SPATS2L: variants seen among roughly 807,000 people sequenced by gnomAD.
SPATS2L encodes the protein spermatogenesis associated serine rich 2 like.
A neutral mutation model predicts 59.6 loss-of-function variants in SPATS2L; 30 were observed. That is an observed-to-expected ratio of 0.50 (90% CI 0.38 to 0.68). SPATS2L has a LOEUF of 0.68. SPATS2L is among the 30% of genes least tolerant of loss of function. SPATS2L has a pLI of 0.00. For synonymous variants in SPATS2L, 252 were observed against 263.5 expected (o/e 0.96, Z 0.42); for missense variants, 615 against 700.0 (o/e 0.88, Z 1.37).
chr2:200,400,762 T>C (rs2082500481), intron 3 of SPATS2L, among the ~76,000 whole-genome samples: 1 of 152,240 alleles, frequency 6.6e-6, no homozygotes, highest in Admixed American at 6.5e-5. Flanking sequence ...AGAAGTTGTA[T>C]TTAACAGAAA....
chr2:200,382,721 G>A (rs575417790), intron 2 of SPATS2L, among the ~76,000 whole-genome samples: 9 of 152,028 alleles, frequency 5.9e-5, no homozygotes, highest in Non-Finnish European at 1.2e-4. Flanking sequence ...CAGTTTCCAC[G>A]TATGTAAAAA....
At chr2:200,312,075 A>G (rs2079209626) in intron 1 of SPATS2L, among the ~76,000 whole-genome samples, 1 of 152,168 alleles carries the variant, frequency 6.6e-6, no homozygotes, top group South Asian at 2.1e-4. Context: ...TGGAACCTAA[A>G]GGATATATAG....
At chr2:200,315,212 A>G (rs546393554) in intron 1 of SPATS2L, among the ~76,000 whole-genome samples, 1 of 152,306 alleles carries the variant, frequency 6.6e-6, no homozygotes, top group African/African-American at 2.4e-5. Flanking sequence ...TTCAGTCCAG[A>G]GGTATGAAAT....
intron 3 of SPATS2L, chr2:200,390,249 AGG>A (rs2082129947): frequency 1.3e-5 from 2 of 152,402 alleles, no homozygotes; most frequent in South Asian, 4.1e-4. Context: ...ACTTAGCAAC[AGG>A]GTAATAGACC....
intron 2 of SPATS2L, among the ~76,000 whole-genome samples, chr2:200,354,398 C>G (rs778516476): frequency 3.6e-4 from 54 of 152,046 alleles, no homozygotes; most frequent in Non-Finnish European, 5.3e-4. Context: ...TGCTTGAGGC[C>G]GAGAGTTTGA....
At chr2:200,345,816 G>C (rs1370706297) in intron 2 of SPATS2L, among the ~76,000 whole-genome samples, 3 of 152,156 alleles carry the variant, frequency 2.0e-5, no homozygotes, top group Admixed American at 6.5e-5. Flanking sequence ...GATTACTCTA[G>C]TTTTTAACTT....
chr2:200,473,360 C>T (rs1041877023), intron 12 of SPATS2L, among the ~76,000 whole-genome samples: 2 of 152,188 alleles, frequency 1.3e-5, no homozygotes, highest in Non-Finnish European at 2.9e-5. Flanking sequence ...TGCCACCATC[C>T]CTGGGGCCCC....
intron 2 of SPATS2L, among the ~76,000 whole-genome samples, chr2:200,340,239 A>G (rs369096709): frequency 5.3e-5 from 8 of 151,688 alleles, no homozygotes; most frequent in Admixed American, 1.3e-4. Flanking sequence ...TCTGCCCTGC[A>G]CTCTTTACTC....
At chr2:200,311,771 A>G (rs1190991335) in intron 1 of SPATS2L, among the ~76,000 whole-genome samples, 1 of 152,214 alleles carries the variant, frequency 6.6e-6, no homozygotes, top group Non-Finnish European at 1.5e-5. Flanking sequence ...CTAGCAGGAA[A>G]AAATAACAGA....
chr2:200,428,054 C>T (rs948671394), intron 6 of SPATS2L, among the ~76,000 whole-genome samples: 9 of 120,124 alleles, frequency 7.5e-5, no homozygotes, highest in East Asian at 2.7e-4. Flanking sequence ...TGGGTGACAG[C>T]GAGACCGTGT....
Position 200,480,036 on chromosome 2 carries a change from C to CT in SPATS2L, c.*2005_*2006insT, listed in dbSNP as rs2087740895. The CT allele has an allele frequency of 3.4e-6, 1 of 294,770 alleles. No homozygotes were observed. Among genetic ancestry groups the CT allele is most frequent in the Non-Finnish European group, 6.2e-6 (1 of 161,104 alleles). The allele number at this position is 294,770 out of a possible 1,614,324, so 18.3% of individuals were successfully genotyped here. The stretch of plus-strand genomic sequence containing the variant: ...TATATTACAAGACGGAAGGATTTTG[C>CT]ACAGTTTTTTATGTAGCAAGATTTT... On this transcript the variant is annotated 3_prime_UTR_variant, in exon 13 of 13. Coordinates refer to ENST00000409140, the MANE Select transcript of SPATS2L (RefSeq NM_001100423.2).
intron 2 of SPATS2L, 116 bp from the exon 3 acceptor site, chr2:200,389,106 TA>T: frequency 1.5e-6 from 1 of 651,740 alleles, no homozygotes; most frequent in Non-Finnish European, 2.6e-6. Flanking sequence ...TTTTACATTC[TA>T]AAATGATATT....
chr2:200,393,655 T>C (rs1176037433), intron 3 of SPATS2L, among the ~76,000 whole-genome samples: 1 of 152,248 alleles, frequency 6.6e-6, no homozygotes, highest in East Asian at 1.9e-4. Flanking sequence ...TGAACGTTTA[T>C]AATTTGACAT....
At chr2:200,469,413 C>T (rs1161909275) in intron 10 of SPATS2L, among the ~76,000 whole-genome samples, 1 of 152,204 alleles carries the variant, frequency 6.6e-6, no homozygotes, top group African/African-American at 2.4e-5. Flanking sequence ...AAAATAATCT[C>T]TTTCTCACTT....
intron 8 of SPATS2L, among the ~76,000 whole-genome samples, chr2:200,443,871 G>A (rs772956021): frequency 1.4e-4 from 22 of 152,070 alleles, no homozygotes; most frequent in Non-Finnish European, 2.5e-4. Context: ...TCTTCCAACC[G>A]GGCTGTGAAG....
rs868487470 is a variant in SPATS2L at position 200,482,101 on chromosome 2, C to G, written c.*4070C>G. On this transcript the variant is annotated 3_prime_UTR_variant, in exon 13 of 13. Coordinates refer to ENST00000409140, the MANE Select transcript of SPATS2L (RefSeq NM_001100423.2). ...CATTTCCTTGAAAGTACTGAGCCAT[C>G]TCAATTGCTCTGATTTTGTGAGAAA... The G allele has an allele frequency of 6.6e-6, 1 of 152,232 alleles. No individual in the cohort carries two copies. Among genetic ancestry groups the G allele is most frequent in the Non-Finnish European group, 1.5e-5 (1 of 68,040 alleles). 9.4% of individuals were successfully genotyped at this position (152,232 alleles called of 1,614,324 possible). A position where few individuals can be genotyped will look rare whatever the true frequency, so the allele number is the denominator to read the frequency against.
At chr2:200,371,691 T>A (rs1270775006) in intron 2 of SPATS2L, among the ~76,000 whole-genome samples, 1 of 152,220 alleles carries the variant, frequency 6.6e-6, no homozygotes, top group Non-Finnish European at 1.5e-5. Flanking sequence ...AATTTGGGAA[T>A]GGATAAATTC....
intron 8 of SPATS2L, among the ~76,000 whole-genome samples, chr2:200,445,689 G>A (rs1262241453): frequency 6.6e-6 from 1 of 152,132 alleles, no homozygotes; most frequent in Non-Finnish European, 1.5e-5. Flanking sequence ...TATCCTTGAA[G>A]CCCCTTTAGT....
rs773496243 is a variant in SPATS2L, at chr2:200,477,710, G to A, written c.1356G>A (p.Ser452=). The A allele has an allele frequency of 2.5e-5, 39 of 1,564,658 alleles. No individual in the cohort carries two copies. Among genetic ancestry groups the A allele is most frequent in the Non-Finnish European group, 2.9e-5 (33 of 1,154,434 alleles). ...ACAGGCTAAATGGGCCTGCCAAGTCGCAGGGCAGTGGGAATGAAGCCGAGC... is the reference window on the plus strand; with the variant it reads ...ACAGGCTAAATGGGCCTGCCAAGTCACAGGGCAGTGGGAATGAAGCCGAGC... ...HNNRLNGPAK[S]QGSGNEAEPL... is the part of the protein sequence containing the mutation. Residue 452 remains serine, a synonymous_variant, in exon 13 of 13, where the codon TCG becomes TCA. Transcript: ENST00000409140.
Sources: allele counts gnomAD v4.1 joint callset (sites outside exome capture counted in the v4.1 genomes callset), GRCh38; gene constraint gnomAD v4.1.1; transcripts MANE v1.5; gene names NCBI Gene and HGNC (gene_info 2026-07-23, HGNC 2026-07-21).